Variants in SBNO1 observed in about 807,000 individuals in gnomAD.
The protein encoded by SBNO1 is protein strawberry notch homolog 1.
SBNO1 carries 23 observed loss-of-function variants against 173.6 expected under a neutral mutation model. The observed-to-expected ratio is 0.13, with a 90% confidence interval of 0.10 to 0.19. The LOEUF is 0.19. Ranked by LOEUF, SBNO1 falls within the 10% of genes least tolerant of loss-of-function variation. The pLI is 1.00. For missense variants in SBNO1, 1,238 were observed against 1,671.2 expected (o/e 0.74, Z 4.52); for synonymous variants, 632 against 571.5 (o/e 1.11, Z -1.51).
At position 123,321,663 on chromosome 12, in the gene SBNO1, T is replaced by C. The variant is rs1869988123; in HGVS notation, c.2195A>G (p.Asp732Gly). 6.2e-7 allele frequency: 1 copy of C among 1,614,126 alleles called. No homozygotes were observed. Among genetic ancestry groups the C allele is most frequent in the South Asian group, 1.1e-5 (1 of 91,082 alleles). ...AGAGGCATCAGATTCACTTCCACTG[T>C]CGTCAGAACTGCTACCAGTAAGGCC... Reference protein sequence around the residue: ...VGGLTGSSSDDSGSESDASDN... With the variant: ...VGGLTGSSSDGSGSESDASDN... Residue 732 changes from aspartate to glycine, a missense_variant, in exon 17 of 32, where the codon GAC (aspartate) becomes GGC (glycine). Asp to Gly is a moderately conservative substitution (Grantham distance 94, BLOSUM62 -1). This residue lies in a region of SBNO1 where 81 missense variants were observed against 82.6 expected (regional missense o/e 0.98). Transcript: ENST00000602398.
Position 123,328,035 on chromosome 12 carries a change from G to C in SBNO1, c.1297-8C>G, listed in dbSNP as rs1276314344. 2 of 1,599,884 alleles carry C rather than the reference G, an allele frequency of 1.3e-6. No homozygotes were observed. The highest frequency in any genetic ancestry group is 1.7e-6 in the Non-Finnish European group (2 of 1,171,072). ...ACACTCATCAAACACTATCTAAATG[G>C]AATGAGTTAAGGAATGTATCACATT... On this transcript the variant is annotated splice_region_variant and splice_polypyrimidine_tract_variant and intron_variant, in intron 10 of 31. Coordinates refer to ENST00000602398, the MANE Select transcript of SBNO1 (RefSeq NM_001167856.3).
At chr12:123,362,352 C>T (rs1235055367) in intron 1 of SBNO1, among the ~76,000 whole-genome samples, 4 of 123,524 alleles carry the variant, frequency 3.2e-5, no homozygotes, top group African/African-American at 1.2e-4. Context: ...AGGAGAATGG[C>T]GTGAACCCGG....
At chr12:123,316,550 C>T (rs1255304945) in intron 21 of SBNO1, among the ~76,000 whole-genome samples, 2 of 151,322 alleles carry the variant, frequency 1.3e-5, no homozygotes, top group African/African-American at 2.4e-5. Flanking sequence ...GACAAGGTCA[C>T]GCTCTGTCAC....
At chr12:123,309,283 G>A (rs1241861119) in intron 28 of SBNO1, 27 bp downstream of exon 28, 1 of 1,530,472 alleles carries the variant, frequency 6.5e-7, no homozygotes, top group South Asian at 1.1e-5. Flanking sequence ...TTATATATCT[G>A]AATAGAATTT....
chr12:123,322,884 AAAAAAAAAAG>A (rs201297566), intron 16 of SBNO1, among the ~76,000 whole-genome samples: 7,123 of 151,324 alleles, frequency 0.047, 289 homozygotes, highest in East Asian at 0.25. Context: ...CCTGTCTCAA[AAAAAAAAAAG>A]AAAAAAAAAG....
chr12:123,361,551 A>G (rs1354454258), intron 1 of SBNO1, among the ~76,000 whole-genome samples: 2 of 151,412 alleles, frequency 1.3e-5, no homozygotes, highest in African/African-American at 4.9e-5. Flanking sequence ...TCCATCTCAA[A>G]AAATATTTAA....
At chr12:123,335,082 T>TCAGGAGTCTGAGA (rs750153092) in intron 6 of SBNO1, among the ~76,000 whole-genome samples, 1 of 152,160 alleles carries the variant, frequency 6.6e-6, no homozygotes, top group Non-Finnish European at 1.5e-5. Flanking sequence ...TCCGAGCTAT[T>TCAGGAGTCTGAGA]CAGGAGTCTG....
In SBNO1 at chr12:123,289,399, C is replaced by T. The variant is rs533762965; in HGVS notation, c.*6509G>A. The T allele has an allele frequency of 3.3e-5, 5 of 152,350 alleles. No individual in the cohort carries two copies. In the South Asian group the frequency reaches 8.3e-4, roughly 25 times the overall value. The allele number at this position is 152,350 out of a possible 1,614,324, so 9.4% of individuals were successfully genotyped here. ...TGCAGTATCATTGGAACAGGGCGCA[C>T]CCTTCACACACTGATGGACACGCTA... On this transcript the variant is annotated 3_prime_UTR_variant, in exon 32 of 32. Coordinates refer to ENST00000602398, the MANE Select transcript of SBNO1 (RefSeq NM_001167856.3).
chr12:123,297,936 A>AT lies in SBNO1; in HGVS notation c.4039+41dup, dbSNP rs527389456. 1,166 of 1,592,838 alleles carry AT rather than the reference A, an allele frequency of 7.3e-4. 3 individuals carry two copies. The highest frequency in any genetic ancestry group is 1.8e-3 in the Admixed American group (101 of 56,562). On this transcript the variant is annotated intron_variant, in intron 31 of 31. Coordinates refer to ENST00000602398, the MANE Select transcript of SBNO1 (RefSeq NM_001167856.3). ...AGCAATGAGAAAAAAGTCGGATCCG[A>AT]TTTTTTCCTGCAACTCAAACCAAAA... is the stretch of plus-strand genomic sequence containing the variant.
chr12:123,313,473 T>C (rs1345271165), intron 24 of SBNO1, 147 bp downstream of exon 24: 5 of 499,750 alleles, frequency 1.0e-5, no homozygotes, highest in Non-Finnish European at 3.6e-6. Context: ...TACAAGATAA[T>C]TATGTGTCCT....
At chr12:123,310,822 C>T (rs888443780) in intron 25 of SBNO1, among the ~76,000 whole-genome samples, 1 of 152,038 alleles carries the variant, frequency 6.6e-6, no homozygotes, top group African/African-American at 2.4e-5. Context: ...CGTGAGCCAC[C>T]GTGCCCAGCA....
At chr12:123,310,600 T>A (rs1433346311) in intron 25 of SBNO1, among the ~76,000 whole-genome samples, 1 of 151,446 alleles carries the variant, frequency 6.6e-6, no homozygotes, top group Admixed American at 6.6e-5. Context: ...AGTGGTGCAA[T>A]CTCGGCTCAC....
intron 28 of SBNO1, among the ~76,000 whole-genome samples, chr12:123,307,431 A>G (rs1473164013): frequency 6.6e-6 from 1 of 152,190 alleles, no homozygotes; most frequent in Non-Finnish European, 1.5e-5. Flanking sequence ...AAAACCATAC[A>G]TATCAGACCT....
intron 9 of SBNO1, among the ~76,000 whole-genome samples, chr12:123,330,064 G>C (rs547743790): frequency 6.6e-6 from 1 of 152,280 alleles, no homozygotes; most frequent in South Asian, 2.1e-4. Flanking sequence ...TGCAAGGTAT[G>C]CCACCTGTCT....
chr12:123,349,164 A>G (rs1244878146), intron 2 of SBNO1: 1 of 152,042 alleles, frequency 6.6e-6, no homozygotes, highest in African/African-American at 2.4e-5. Context: ...CAGTGGCACG[A>G]TAACAATTCA....
At chr12:123,353,564 A>G (rs1161656367) in intron 1 of SBNO1, among the ~76,000 whole-genome samples, 1 of 152,210 alleles carries the variant, frequency 6.6e-6, no homozygotes, top group Non-Finnish European at 1.5e-5. Flanking sequence ...ATGTCCCAAT[A>G]TAGATTTCAA....
intron 1 of SBNO1, among the ~76,000 whole-genome samples, chr12:123,356,358 A>C (rs1874458249): frequency 6.6e-6 from 1 of 152,226 alleles, no homozygotes; most frequent in Admixed American, 6.5e-5. Flanking sequence ...CTCCCATATC[A>C]CTGATTCAGC....
Position 123,353,231 on chromosome 12 carries a change from T to C in SBNO1, c.1-2790A>G, listed in dbSNP as rs570563565. Among the ~76,000 whole-genome samples, 67 of 152,230 alleles carry C rather than the reference T, an allele frequency of 4.4e-4. 1 individual carries two copies. The highest frequency in any genetic ancestry group is 1.7e-3 in the South Asian group (8 of 4,824). On this transcript the variant is annotated intron_variant, in intron 1 of 31. Transcript: ENST00000602398. ...GTTAAATTCTTCATAAACATTACCA[T>C]ACTCAAGCCCAAAACAACCCTGAGT...
At position 123,323,747 on chromosome 12, in the gene SBNO1, T is replaced by C; in HGVS notation, c.2058A>G (p.Thr686=). 6.2e-7 allele frequency: 1 copy of C among 1,612,938 alleles called. No individual in the cohort carries two copies. The highest frequency in any genetic ancestry group is 8.5e-7 in the Non-Finnish European group (1 of 1,179,502). Residue 686 remains threonine (T), a synonymous_variant, in exon 16 of 32, where the codon ACA becomes ACG. Coordinates refer to ENST00000602398, the MANE Select transcript of SBNO1 (RefSeq NM_001167856.3). ...TTGGCGAACTGTTGTTACTTGGAGCTGTCAAATCGATTCCTAGTAAACTAT... is the reference window on the plus strand; with the variant it reads ...TTGGCGAACTGTTGTTACTTGGAGCCGTCAAATCGATTCCTAGTAAACTAT... ...KLYSLLGIDL[T]APSNNSSPRD...
Sources: gnomAD v4.1 joint callset for allele counts (sites outside exome capture counted in the v4.1 genomes callset) on GRCh38, gnomAD v4.1.1 for gene constraint, gnomAD v4.1.1 regional missense constraint, MANE v1.5 for transcripts, NCBI Gene and HGNC (gene_info 2026-07-23, HGNC 2026-07-21) for gene names.